Variants in GALNT7 observed in about 807,000 individuals in gnomAD.
GALNT7 encodes the protein polypeptide N-acetylgalactosaminyltransferase 7, also known as N-acetylgalactosaminyltransferase 7.
GALNT7 carries 60 observed loss-of-function variants against 82.1 expected under a neutral mutation model. The ratio of observed to expected loss-of-function variants is 0.73; its 90% CI spans 0.59 to 0.91. GALNT7 has a LOEUF of 0.91. Ranked by LOEUF, GALNT7 falls within the 40% of genes least tolerant of loss-of-function variation. The pLI is 0.00. For missense variants in GALNT7, 660 were observed against 804.2 expected (o/e 0.82, Z 2.17); for synonymous variants, 243 against 275.1 (o/e 0.88, Z 1.15).
intron 1 of GALNT7, among the ~76,000 whole-genome samples, chr4:173,218,078 CAG>C (rs556213894): frequency 1.5e-3 from 222 of 152,228 alleles, no homozygotes; most frequent in African/African-American, 5.2e-3. Flanking sequence ...GGTAGGGAGA[CAG>C]ATTAAATTTC....
In GALNT7 at chr4:173,220,824, C is replaced by T. The variant is rs1048162216; in HGVS notation, c.127-27156C>T. Among the ~76,000 whole-genome samples, 8 of 152,094 alleles carry T rather than the reference C, an allele frequency of 5.3e-5. No individual in the cohort carries two copies. The South Asian group carries it at 1.2e-3, about 24-fold the overall frequency. On this transcript the variant is annotated intron_variant, in intron 1 of 11. Transcript: ENST00000265000. The stretch of plus-strand genomic sequence containing the variant: ...ACTTCATCCATGTCCCTACAAAGGA[C>T]GTGAACTCATCATTTTTTATGGCTG...
rs568526061 is a variant in GALNT7, at chr4:173,323,816, A to T, written c.*2099A>T. ...CATTTCTACACATTTTATAAATTTG[A>T]TTTATGCAGATTTTGATACACTGTA... is the stretch of plus-strand genomic sequence containing the variant. On this transcript the variant is annotated 3_prime_UTR_variant, in exon 12 of 12. Transcript: ENST00000265000. 79 of 152,684 alleles carry T rather than the reference A, an allele frequency of 5.2e-4. No homozygotes were observed. The highest frequency in any genetic ancestry group is 1.8e-3 in the African/African-American group (74 of 41,582). The allele number at this position is 152,684 out of a possible 1,614,324, so 9.5% of individuals were successfully genotyped here.
chr4:173,197,366 C>A (rs550094744), intron 1 of GALNT7, among the ~76,000 whole-genome samples: 1 of 152,118 alleles, frequency 6.6e-6, no homozygotes, highest in Non-Finnish European at 1.5e-5. Flanking sequence ...TATGAAGGAA[C>A]AGAAAGCATG....
At chr4:173,257,811 A>G (rs1272690210) in intron 2 of GALNT7, among the ~76,000 whole-genome samples, 2 of 152,242 alleles carry the variant, frequency 1.3e-5, no homozygotes, top group African/African-American at 4.8e-5. Flanking sequence ...TAAGGGCTCT[A>G]GAGAAAGATT....
At chr4:173,200,355 A>G (rs1732907835) in intron 1 of GALNT7, among the ~76,000 whole-genome samples, 1 of 151,830 alleles carries the variant, frequency 6.6e-6, no homozygotes, top group Non-Finnish European at 1.5e-5. Flanking sequence ...GTTTAGAACT[A>G]TTTTCAGTTA....
chr4:173,183,729 CG>C (rs1485601341), intron 1 of GALNT7, among the ~76,000 whole-genome samples: 1 of 150,864 alleles, frequency 6.6e-6, no homozygotes, highest in Non-Finnish European at 1.5e-5. Flanking sequence ...GGGCGGCGGC[CG>C]GGCGGGGTCT....
At chr4:173,252,413 A>C (rs1371058329) in intron 2 of GALNT7, among the ~76,000 whole-genome samples, 1 of 152,184 alleles carries the variant, frequency 6.6e-6, no homozygotes, top group African/African-American at 2.4e-5. Context: ...TCCAGCTGTG[A>C]CATCTGACAC....
At chr4:173,184,807 A>G (rs1352612148) in intron 1 of GALNT7, among the ~76,000 whole-genome samples, 1 of 152,160 alleles carries the variant, frequency 6.6e-6, no homozygotes, top group African/African-American at 2.4e-5. Context: ...ATGAAAGTTG[A>G]ACACTGATGT....
rs60501649 is a variant in GALNT7, at chr4:173,182,661, T to TACACACACACAC, written c.126+13724_126+13735dup. Among the ~76,000 whole-genome samples, 525 of 133,514 alleles carry TACACACACACAC rather than the reference T, an allele frequency of 3.9e-3. 5 individuals carry two copies. Among genetic ancestry groups the TACACACACACAC allele is most frequent in the African/African-American group, 0.014 (457 of 33,278 alleles). The allele number at this position is 133,514 out of a possible 152,430, so 87.6% of individuals were successfully genotyped here. A position where few individuals can be genotyped will look rare whatever the true frequency, so the allele number is the denominator to read the frequency against. On this transcript the variant is annotated intron_variant, in intron 1 of 11. Transcript: ENST00000265000. ...GATGAGGCAAGCAGGTTACTCATAA[T>TACACACACACAC]ACACACACACACACACACACACACA...
At chr4:173,258,062 A>G (rs1487476110) in intron 2 of GALNT7, among the ~76,000 whole-genome samples, 1 of 152,246 alleles carries the variant, frequency 6.6e-6, no homozygotes, top group Non-Finnish European at 1.5e-5. Flanking sequence ...AAAGGAGGAC[A>G]GAGAAACTCT....
At chr4:173,237,140 T>A (rs1734261109) in intron 1 of GALNT7, among the ~76,000 whole-genome samples, 1 of 152,238 alleles carries the variant, frequency 6.6e-6, no homozygotes, top group Admixed American at 6.5e-5. Flanking sequence ...TAAAATGTTG[T>A]TCTAGGCTTT....
intron 1 of GALNT7, among the ~76,000 whole-genome samples, chr4:173,191,712 C>T (rs577303061): frequency 1.3e-5 from 2 of 152,148 alleles, no homozygotes; most frequent in Non-Finnish European, 2.9e-5. Flanking sequence ...GTCACTTTTA[C>T]GTGAGAAAGC....
chr4:173,227,041 A>AT (rs1204926367), intron 1 of GALNT7, among the ~76,000 whole-genome samples: 3 of 152,202 alleles, frequency 2.0e-5, no homozygotes, highest in African/African-American at 7.2e-5. Flanking sequence ...CATTTGTCAA[A>AT]TATGCTTTAA....
chr4:173,314,116 A>C lies in GALNT7; in HGVS notation c.1548A>C (p.Glu516Asp). The C allele has an allele frequency of 6.2e-7, 1 of 1,614,088 alleles. No homozygotes were observed. Among genetic ancestry groups the C allele is most frequent in the Non-Finnish European group, 8.5e-7 (1 of 1,179,936 alleles). ...NCKSFKWFME[E>D]IAYDITSHYP... ...AAAGTTTTAAGTGGTTCATGGAAGAAATAGCTTATGATATCACCTCACACT... is the reference window on the plus strand; with the variant it reads ...AAAGTTTTAAGTGGTTCATGGAAGACATAGCTTATGATATCACCTCACACT... Residue 516 changes from glutamate (E) to aspartate (D), a missense_variant, in exon 9 of 12, where the codon GAA (glutamate) becomes GAC (aspartate). By Grantham distance (45) the Glu-to-Asp change is conservative. This residue lies in a region of GALNT7 where 527 missense variants were observed against 683.5 expected (regional missense o/e 0.77). Coordinates refer to ENST00000265000, the MANE Select transcript of GALNT7 (RefSeq NM_017423.3).
chr4:173,192,938 C>T (rs10520255), intron 1 of GALNT7, among the ~76,000 whole-genome samples: 40,812 of 152,022 alleles, frequency 0.27, 6,522 homozygotes, highest in African/African-American at 0.46. Context: ...CCACTAAAGA[C>T]GGCACAGAGT....
At chr4:173,273,661 C>G (rs144419378) in intron 2 of GALNT7, among the ~76,000 whole-genome samples, 11 of 152,256 alleles carry the variant, frequency 7.2e-5, no homozygotes, top group Non-Finnish European at 1.5e-4. Context: ...GTCAGTCGTA[C>G]CCCAGAACTG....
At chr4:173,315,578 A>T (rs1234548120) in intron 9 of GALNT7, among the ~76,000 whole-genome samples, 1 of 152,198 alleles carries the variant, frequency 6.6e-6, no homozygotes, top group Non-Finnish European at 1.5e-5. Flanking sequence ...GCCAGCATTT[A>T]GAGTTCAGGA....
chr4:173,267,551 G>A (rs1735549338), intron 2 of GALNT7, among the ~76,000 whole-genome samples: 1 of 152,122 alleles, frequency 6.6e-6, no homozygotes, highest in African/African-American at 2.4e-5. Flanking sequence ...GCACAGCAGG[G>A]GGACCAGCTT....
intron 8 of GALNT7, among the ~76,000 whole-genome samples, chr4:173,308,363 CTG>C (rs2126858805): frequency 6.6e-6 from 1 of 152,066 alleles, no homozygotes; most frequent in East Asian, 1.9e-4. Context: ...AAGTCTGACA[CTG>C]TGTAGGGAAA....
Sources: gnomAD v4.1 joint callset for allele counts (sites outside exome capture counted in the v4.1 genomes callset) on GRCh38, gnomAD v4.1.1 for gene constraint, gnomAD v4.1.1 regional missense constraint, MANE v1.5 for transcripts, NCBI Gene and HGNC (gene_info 2026-07-23, HGNC 2026-07-21) for gene names.